PLCB1: variants seen among roughly 807,000 people sequenced by gnomAD.
PLCB1 encodes the protein phospholipase C beta 1.
A neutral mutation model predicts 161.8 loss-of-function variants in PLCB1; 46 were observed. That is an observed-to-expected ratio of 0.28 (90% CI 0.22 to 0.36). PLCB1 has a LOEUF of 0.36. Ranked by LOEUF, PLCB1 falls within the 10% of genes least tolerant of loss-of-function variation. The pLI, the probability that PLCB1 is intolerant of heterozygous loss-of-function variation, is 1.00. For missense variants in PLCB1, 1,016 were observed against 1,472.5 expected, an observed-to-expected ratio of 0.69 and a Z score of 5.07; for synonymous variants, 517 against 503.7, an observed-to-expected ratio of 1.03 and a Z score of -0.35.
chr20:8,589,221 C>A (rs75427676), intron 3 of PLCB1, among the ~76,000 whole-genome samples: 1 of 122,122 alleles, frequency 8.2e-6, no homozygotes. Flanking sequence ...CTTCATTCAA[C>A]CAATAATTGA....
At chr20:8,451,998 C>A (rs1010655482) in intron 3 of PLCB1, among the ~76,000 whole-genome samples, 5 of 151,980 alleles carry the variant, frequency 3.3e-5, no homozygotes, top group Admixed American at 1.3e-4. Context: ...TGTCTGTAAC[C>A]CAGTTAGGGA....
rs1988077420 is a variant in PLCB1, at chr20:8,883,753, T to C, written c.*1904T>C. 1 of 152,414 alleles carries C rather than the reference T, an allele frequency of 6.6e-6. No individual in the cohort carries two copies. The highest frequency in any genetic ancestry group is 6.6e-5 in the Admixed American group (1 of 15,244). The allele number at this position is 152,414 out of a possible 1,614,324, so 9.4% of individuals were successfully genotyped here. A position where few individuals can be genotyped will look rare whatever the true frequency, so the allele number is the denominator to read the frequency against. On this transcript the variant is annotated 3_prime_UTR_variant, in exon 32 of 32. Transcript: ENST00000338037. ...AAAATCACATCCTCTTTGGAGATGA[T>C]TATATTTTGATCTGAAGGGTTTGGG... is the stretch of plus-strand genomic sequence containing the variant.
At chr20:8,603,626 C>T (rs746884776) in intron 3 of PLCB1, among the ~76,000 whole-genome samples, 25 of 152,326 alleles carry the variant, frequency 1.6e-4, no homozygotes, top group Admixed American at 1.2e-3. Context: ...GAGTCTCAGG[C>T]CTTGCCTCAC....
At chr20:8,568,538 A>C (rs2123043423) in intron 3 of PLCB1, among the ~76,000 whole-genome samples, 1 of 152,366 alleles carries the variant, frequency 6.6e-6, no homozygotes, top group South Asian at 2.1e-4. Context: ...TAAAAGTCAT[A>C]AAAATCATTA....
chr20:8,517,143 C>T (rs1984165001), intron 3 of PLCB1, among the ~76,000 whole-genome samples: 1 of 151,976 alleles, frequency 6.6e-6, no homozygotes, highest in African/African-American at 2.4e-5. Context: ...CAAGTAATGG[C>T]ATAGAAGTGT....
At chr20:8,422,162 G>GTC (rs1979564390) in intron 3 of PLCB1, among the ~76,000 whole-genome samples, 2 of 152,188 alleles carry the variant, frequency 1.3e-5, no homozygotes, top group African/African-American at 4.8e-5. Context: ...AGACAAAGAA[G>GTC]TCTGTGCCTT....
chr20:8,749,965 TA>T (rs200771810), intron 23 of PLCB1, among the ~76,000 whole-genome samples: 1 of 151,962 alleles, frequency 6.6e-6, no homozygotes. Context: ...ATTTTTTTTT[TA>T]AAAAAACCCA....
intron 3 of PLCB1, among the ~76,000 whole-genome samples, chr20:8,580,546 C>T (rs1986802439): frequency 1.3e-5 from 2 of 151,784 alleles, no homozygotes; most frequent in Admixed American, 6.6e-5. Context: ...AAATACATGG[C>T]GTGTTTCCTG....
At chr20:8,267,582 G>A (rs1982036325) in intron 2 of PLCB1, among the ~76,000 whole-genome samples, 1 of 151,982 alleles carries the variant, frequency 6.6e-6, no homozygotes, top group South Asian at 2.1e-4. Context: ...CTCAGACTCT[G>A]GTTTTAGAAA....
chr20:8,658,783 A>C, intron 9 of PLCB1, 79 bp downstream of exon 9: 1 of 1,197,410 alleles, frequency 8.4e-7, no homozygotes, highest in Non-Finnish European at 1.2e-6. Flanking sequence ...TAGGAACACC[A>C]GTGATCGTTA....
At chr20:8,156,309 G>A (rs1323308067) in intron 2 of PLCB1, among the ~76,000 whole-genome samples, 1 of 152,108 alleles carries the variant, frequency 6.6e-6, no homozygotes, top group Non-Finnish European at 1.5e-5. Flanking sequence ...CTCTCTAGTG[G>A]GATTAAGCCC....
chr20:8,201,743 A>G (rs867314600), intron 2 of PLCB1, among the ~76,000 whole-genome samples: 2 of 152,174 alleles, frequency 1.3e-5, no homozygotes, highest in Non-Finnish European at 2.9e-5. Flanking sequence ...GTGAAAAGCA[A>G]TGCTTCATCT....
At chr20:8,508,937 TG>T (rs1328638302) in intron 3 of PLCB1, among the ~76,000 whole-genome samples, 1 of 152,154 alleles carries the variant, frequency 6.6e-6, no homozygotes, top group Non-Finnish European at 1.5e-5. Context: ...CAGGAAACAA[TG>T]ACAGCAAACA....
intron 23 of PLCB1, among the ~76,000 whole-genome samples, chr20:8,752,573 A>G (rs1259077943): frequency 1.3e-5 from 2 of 152,074 alleles, no homozygotes; most frequent in Non-Finnish European, 2.9e-5. Context: ...CAGGTGGATC[A>G]CTTGAGGTCA....
At chr20:8,377,072 C>G (rs1008553184) in intron 3 of PLCB1, among the ~76,000 whole-genome samples, 2 of 152,174 alleles carry the variant, frequency 1.3e-5, no homozygotes, top group African/African-American at 4.8e-5. Flanking sequence ...GCAATACACA[C>G]CATGTCCAGT....
At chr20:8,603,058 T>C (rs1461340630) in intron 3 of PLCB1, among the ~76,000 whole-genome samples, 1 of 152,176 alleles carries the variant, frequency 6.6e-6, no homozygotes, top group Non-Finnish European at 1.5e-5. Flanking sequence ...TTGCATTATA[T>C]GAAGGACACC....
Position 8,254,140 on chromosome 20 carries a change from T to C in PLCB1, c.177+103769T>C, listed in dbSNP as rs1052669911. ...TATTGTACACATTTCAGAGAACCTT[T>C]TCCCTGCTAAATCTTCACGTGACTC... On this transcript the variant is annotated intron_variant, in intron 2 of 31. Coordinates refer to ENST00000338037, the MANE Select transcript of PLCB1 (RefSeq NM_015192.4). Among the ~76,000 whole-genome samples, 3 of 152,010 alleles carry C rather than the reference T, an allele frequency of 2.0e-5. No individual in the cohort carries two copies. In the South Asian group the frequency reaches 6.2e-4, roughly 32 times the overall value.
intron 8 of PLCB1, among the ~76,000 whole-genome samples, chr20:8,657,853 C>T (rs973921917): frequency 1.6e-4 from 24 of 152,000 alleles, no homozygotes; most frequent in African/African-American, 5.6e-4. Context: ...TACTGAAATC[C>T]ACATGACAGA....
At chr20:8,873,139 A>T (rs1482797049) in intron 31 of PLCB1, among the ~76,000 whole-genome samples, 1 of 128,214 alleles carries the variant, frequency 7.8e-6, no homozygotes, top group Non-Finnish European at 1.7e-5. Context: ...ACAAAAACTG[A>T]AATGGTTAGG....
Sources: gnomAD v4.1 joint callset for allele counts (sites outside exome capture counted in the v4.1 genomes callset) on GRCh38, gnomAD v4.1.1 for gene constraint, MANE v1.5 for transcripts, NCBI Gene and HGNC (gene_info 2026-07-23, HGNC 2026-07-21) for gene names.